Variants in CRNKL1 observed in about 807,000 individuals in gnomAD.
CRNKL1 encodes crooked neck-like protein 1.
In CRNKL1, 35 loss-of-function variants were observed where a neutral mutation model predicts 103.7. That is an observed-to-expected ratio of 0.34 (90% CI 0.26 to 0.45). CRNKL1 has a LOEUF of 0.45. Among genes scored for constraint, CRNKL1 ranks in the 20% least tolerant of loss-of-function variants. CRNKL1 has a pLI of 1.00. For missense variants in CRNKL1, 645 were observed against 836.0 expected, an observed-to-expected ratio of 0.77 and a Z score of 2.82; for synonymous variants, 267 against 282.6, an observed-to-expected ratio of 0.94 and a Z score of 0.55.
chr20:20,050,913 C>A (rs1038940941), intron 1 of CRNKL1, among the ~76,000 whole-genome samples: 1 of 152,104 alleles, frequency 6.6e-6, no homozygotes, highest in Non-Finnish European at 1.5e-5. Flanking sequence ...ACTTTGAGGC[C>A]GTCTAGGTAA....
At position 20,039,853 on chromosome 20, in the gene CRNKL1, A is replaced by C. The variant is rs775085432; in HGVS notation, c.1306-5T>G. The C allele has an allele frequency of 1.4e-5, 22 of 1,612,690 alleles. No individual in the cohort carries two copies. The South Asian group carries it at 2.4e-4, about 18-fold the overall frequency. ...ACATTTGCCTATGGAAGTTCCCTGGAAAATAAAATAACCAGACCACTGTGA... is the reference window on the plus strand; with the variant it reads ...ACATTTGCCTATGGAAGTTCCCTGGCAAATAAAATAACCAGACCACTGTGA... On this transcript the variant is annotated splice_region_variant and splice_polypyrimidine_tract_variant and intron_variant, in intron 10 of 13. Transcript: ENST00000536226.
At chr20:20,048,066 G>C (rs535484539) in intron 4 of CRNKL1, 135 bp from the exon 5 acceptor site, 1 of 1,187,486 alleles carries the variant, frequency 8.4e-7, no homozygotes, top group Non-Finnish European at 1.2e-6. Context: ...ATCTGAAAAA[G>C]GATGAACCAT....
chr20:20,040,388 A>G (rs543203301), intron 10 of CRNKL1, among the ~76,000 whole-genome samples: 12 of 152,322 alleles, frequency 7.9e-5, no homozygotes, highest in Admixed American at 2.6e-4. Flanking sequence ...AACACACCAA[A>G]AAGTTTGCAC....
intron 4 of CRNKL1, among the ~76,000 whole-genome samples, chr20:20,048,139 G>A (rs1414345245): frequency 6.6e-6 from 1 of 152,142 alleles, no homozygotes; most frequent in Non-Finnish European, 1.5e-5. Context: ...ATGAATAAAA[G>A]ATTGCAATCA....
chr20:20,041,091 A>G (rs2043505630), intron 9 of CRNKL1, among the ~76,000 whole-genome samples: 1 of 152,226 alleles, frequency 6.6e-6, no homozygotes, highest in South Asian at 2.1e-4. Flanking sequence ...ATGCTTGTAT[A>G]TGGGCAGAAT....
Position 20,037,313 on chromosome 20 carries a change from G to T in CRNKL1, c.1896+10C>A. The T allele has an allele frequency of 6.2e-7, 1 of 1,611,608 alleles. No homozygotes were observed. The highest frequency in any genetic ancestry group is 1.1e-5 in the South Asian group (1 of 90,626). ...ACGTGAGATGAACAGTCCCAGGGCAGAGTTCTTACCCCATCATCAGTCTGG... is the reference window on the plus strand; with the variant it reads ...ACGTGAGATGAACAGTCCCAGGGCATAGTTCTTACCCCATCATCAGTCTGG... On this transcript the variant is annotated intron_variant, in intron 13 of 13. Transcript: ENST00000536226.
intron 4 of CRNKL1, 82 bp from the exon 5 acceptor site, chr20:20,048,013 T>C: frequency 1.4e-6 from 2 of 1,424,460 alleles, no homozygotes; most frequent in Admixed American, 4.2e-5. Context: ...GATTTTACCT[T>C]TCTTAAAGGT....
Position 20,035,249 on chromosome 20 carries a change from T to C in CRNKL1, c.*946A>G, listed in dbSNP as rs373746422. ...AAATGACTCCATTGTCCACTAAGTT[T>C]GGGAAATAAATAATATGGCAACATT... On this transcript the variant is annotated 3_prime_UTR_variant, in exon 14 of 14. Transcript: ENST00000536226. 1.3e-5 allele frequency: 2 copies of C among 152,146 alleles called. No homozygotes were observed. The highest frequency in any genetic ancestry group is 1.5e-5 in the Non-Finnish European group (1 of 68,028). The allele number at this position is 152,146 out of a possible 1,614,324, so 9.4% of individuals were successfully genotyped here. A position where few individuals can be genotyped will look rare whatever the true frequency, so the allele number is the denominator to read the frequency against.
chr20:20,055,965 T>A (rs2044295835), upstream of CRNKL1: 7 of 1,611,014 alleles, frequency 4.3e-6, no homozygotes, highest in Admixed American at 1.7e-5. Flanking sequence ...GTCAACAGCA[T>A]TTCCCAAAGT....
chr20:20,054,875 TGAAG>T (rs1398985593), upstream of CRNKL1, among the ~76,000 whole-genome samples: 2 of 152,264 alleles, frequency 1.3e-5, no homozygotes, highest in African/African-American at 4.8e-5. Context: ...TGCTCTGAAC[TGAAG>T]GTTCATGTCT....
At chr20:20,052,559 C>A (rs770071178), upstream of CRNKL1, 1 of 1,614,106 alleles carries the variant, frequency 6.2e-7, no homozygotes, top group Non-Finnish European at 8.5e-7. Flanking sequence ...TGCGGCAGCG[C>A]GTGGAGTGCG....
Position 20,037,431 on chromosome 20 carries a change from A to G in CRNKL1, c.1788T>C (p.Ser596=). 3 of 1,614,204 alleles carry G rather than the reference A, an allele frequency of 1.9e-6. No individual in the cohort carries two copies. ...CAAATTCTTCTTCAAAACTTCGCCA[A>G]GATTCCAGCAGCATAAGTCTCTCTT... is the stretch of plus-strand genomic sequence containing the variant. ...EKEERLMLLE[S]WRSFEEEFGT... is the part of the protein sequence containing the mutation. The change falls in exon 13 of 14, where the codon TCT becomes TCC. Residue 596 remains serine (S), a synonymous_variant. Coordinates refer to ENST00000536226, the MANE Select transcript of CRNKL1 (RefSeq NM_001278628.2).
chr20:20,052,574 C>T (rs766788917), upstream of CRNKL1: 44 of 1,613,806 alleles, frequency 2.7e-5, no homozygotes, highest in Middle Eastern at 4.9e-4. Context: ...AGTGCGGCGT[C>T]CTGGAGCTGC....
Position 20,035,965 on chromosome 20 carries a change from G to A in CRNKL1, c.*230C>T, listed in dbSNP as rs2043412730. The A allele has an allele frequency of 6.2e-6, 3 of 480,676 alleles. No homozygotes were observed. The highest frequency in any genetic ancestry group is 6.1e-5 in the South Asian group (2 of 32,594). The allele number at this position is 480,676 out of a possible 1,614,324, so 29.8% of individuals were successfully genotyped here. A position where few individuals can be genotyped will look rare whatever the true frequency, so the allele number is the denominator to read the frequency against. ...TAATGCATGATGTGGACAGACATTA[G>A]AAAAGTTTGGACTCAGTTGGAAAAA... On this transcript the variant is annotated 3_prime_UTR_variant, in exon 14 of 14. Coordinates refer to ENST00000536226, the MANE Select transcript of CRNKL1 (RefSeq NM_001278628.2).
At chr20:20,052,623 C>G (rs771448769), upstream of CRNKL1, 4 of 1,613,568 alleles carry the variant, frequency 2.5e-6, no homozygotes, top group Non-Finnish European at 3.4e-6. Flanking sequence ...AGCAGCGACG[C>G]AAGGACTGCG....
intron 2 of CRNKL1, among the ~76,000 whole-genome samples, 158 bp from the exon 3 acceptor site, chr20:20,049,589 A>AG (rs2043652194): frequency 6.6e-6 from 1 of 152,216 alleles, no homozygotes; most frequent in South Asian, 2.1e-4. Flanking sequence ...AACCCACTAC[A>AG]GAAGGTTACA....
chr20:20,036,861 TGG>T (rs1476266887), intron 13 of CRNKL1, among the ~76,000 whole-genome samples: 3 of 152,314 alleles, frequency 2.0e-5, no homozygotes, highest in South Asian at 4.1e-4. Flanking sequence ...TGCTTCCTGA[TGG>T]GTCTTCTTTC....
At chr20:20,052,833 T>C (rs1568774648), upstream of CRNKL1, 6 of 1,088,262 alleles carry the variant, frequency 5.5e-6, no homozygotes, top group South Asian at 4.7e-5. Context: ...TGCCGCCCTT[T>C]TAGGCTGCAA....
intron 3 of CRNKL1, 74 bp from the exon 4 acceptor site, chr20:20,048,575 G>C (rs1437253464): frequency 1.4e-6 from 2 of 1,471,692 alleles, no homozygotes; most frequent in Non-Finnish European, 1.9e-6. Context: ...AAACTATCTG[G>C]AATGCACTGA....
Sources: allele counts gnomAD v4.1 joint callset (sites outside exome capture counted in the v4.1 genomes callset), GRCh38; gene constraint gnomAD v4.1.1; transcripts MANE v1.5; gene names NCBI Gene and HGNC (gene_info 2026-07-23, HGNC 2026-07-21).